The following KLHL7 variants were observed in gnomAD, a reference collection of about 807,000 sequenced individuals.
KLHL7 encodes the protein kelch like family member 7.
Under a neutral mutation model 67.4 loss-of-function variants are expected in KLHL7, and 44 were observed. The observed-to-expected ratio is 0.65, with a 90% CI of 0.51 to 0.84. The LOEUF (loss-of-function observed/expected upper bound fraction) is 0.84. Ranked by LOEUF, KLHL7 falls within the 40% of genes least tolerant of loss-of-function variation. The pLI, the probability that KLHL7 is intolerant of heterozygous loss-of-function variation, is 0.00. For missense variants in KLHL7, 362 were observed against 718.1 expected (o/e 0.50, Z 5.67); for synonymous variants, 252 against 243.3 (o/e 1.04, Z -0.33).
intron 4 of KLHL7, among the ~76,000 whole-genome samples, chr7:23,139,779 A>G (rs527845881): frequency 6.6e-6 from 1 of 152,394 alleles, no homozygotes; most frequent in African/African-American, 2.4e-5. Flanking sequence ...AGTTTTATAT[A>G]GAAGAGGGAG....
intron 1 of KLHL7, among the ~76,000 whole-genome samples, chr7:23,121,069 T>C (rs1037305304): frequency 3.9e-5 from 6 of 152,216 alleles, no homozygotes; most frequent in Admixed American, 3.3e-4. Flanking sequence ...CTTACACATA[T>C]GAGTGAGAAC....
intron 7 of KLHL7, among the ~76,000 whole-genome samples, chr7:23,162,344 T>A (rs1439629981): frequency 6.6e-6 from 1 of 152,196 alleles, no homozygotes; most frequent in Non-Finnish European, 1.5e-5. Context: ...TAAGATGATG[T>A]TTTAAAATAT....
intron 6 of KLHL7, among the ~76,000 whole-genome samples, chr7:23,144,245 C>T (rs1784283863): frequency 6.6e-6 from 1 of 152,236 alleles, no homozygotes; most frequent in South Asian, 2.1e-4. Context: ...GTACAAATTA[C>T]TTATGCTTTT....
At chr7:23,159,396 C>T (rs1179115801) in intron 7 of KLHL7, among the ~76,000 whole-genome samples, 1 of 152,022 alleles carries the variant, frequency 6.6e-6, no homozygotes, top group African/African-American at 2.4e-5. Context: ...TCTTGAACTC[C>T]CAGTCTAAAG....
intron 9 of KLHL7, chr7:23,171,036 T>A (rs941724814): frequency 1.3e-5 from 2 of 158,208 alleles, no homozygotes; most frequent in African/African-American, 2.4e-5. Flanking sequence ...GCCTCCTGAG[T>A]AGCTGGGATT....
intron 2 of KLHL7, 146 bp downstream of exon 2, chr7:23,124,025 T>C: frequency 1.5e-6 from 1 of 663,216 alleles, no homozygotes; most frequent in Non-Finnish European, 2.6e-6. Flanking sequence ...AGTAGTCAGC[T>C]GATAACCAAA....
chr7:23,140,544 G>T (rs1784142249), intron 4 of KLHL7: 2 of 533,156 alleles, frequency 3.8e-6, no homozygotes, highest in Non-Finnish European at 3.4e-6. Context: ...GCGATGGAGC[G>T]AGACTCCGTC....
chr7:23,113,501 G>A (rs180796226), intron 1 of KLHL7, among the ~76,000 whole-genome samples: 11 of 152,272 alleles, frequency 7.2e-5, no homozygotes, highest in Admixed American at 2.0e-4. Flanking sequence ...GAGATTAGAA[G>A]CAAAATTTTT....
In KLHL7 at chr7:23,177,526, T is replaced by G. The variant is rs1232359500; in HGVS notation, c.*3228T>G. Reference sequence around the variant, plus strand: ...GGAAATTTCTACAGAATTGTCAATATCAGGATAGTGCGTAAAAGTACACTC... The same window carrying G: ...GGAAATTTCTACAGAATTGTCAATAGCAGGATAGTGCGTAAAAGTACACTC... On this transcript the variant is annotated 3_prime_UTR_variant, in exon 11 of 11. Transcript: ENST00000339077. 1.3e-5 allele frequency: 2 copies of G among 152,198 alleles called. No homozygotes were observed. The highest frequency in any genetic ancestry group is 2.9e-5 in the Non-Finnish European group (2 of 68,026). The allele number at this position is 152,198 out of a possible 1,614,324, so 9.4% of individuals were successfully genotyped here.
intron 7 of KLHL7, among the ~76,000 whole-genome samples, chr7:23,161,816 T>G (rs184417805): frequency 6.6e-6 from 1 of 152,354 alleles, no homozygotes; most frequent in East Asian, 1.9e-4. Context: ...ATGGATGATA[T>G]ATACTTTTCT....
chr7:23,173,921 A>G, intron 10 of KLHL7, 94 bp from the exon 11 acceptor site: 1 of 1,286,836 alleles, frequency 7.8e-7, no homozygotes, highest in Non-Finnish European at 1.1e-6. Context: ...TTTTCACAAT[A>G]AAATATTGGA....
intron 7 of KLHL7, 48 bp from the exon 8 acceptor site, chr7:23,165,650 G>A (rs747679588): frequency 2.5e-6 from 4 of 1,605,520 alleles, no homozygotes; most frequent in Non-Finnish European, 2.6e-6. Flanking sequence ...GTCCTTTTCA[G>A]TTATATTTTT....
At chr7:23,135,252 T>C (rs988769575) in intron 4 of KLHL7, among the ~76,000 whole-genome samples, 3 of 152,236 alleles carry the variant, frequency 2.0e-5, no homozygotes, top group Admixed American at 6.5e-5. Flanking sequence ...AAAATTCCTC[T>C]TGTTATTAAT....
intron 4 of KLHL7, among the ~76,000 whole-genome samples, chr7:23,133,810 T>C (rs1210704139): frequency 6.6e-6 from 1 of 152,262 alleles, no homozygotes; most frequent in African/African-American, 2.4e-5. Context: ...TTCTGTATCC[T>C]GCAACTTTAC....
intron 1 of KLHL7, among the ~76,000 whole-genome samples, chr7:23,122,848 AT>A (rs1012874083): frequency 4.6e-5 from 7 of 152,074 alleles, no homozygotes; most frequent in Non-Finnish European, 1.0e-4. Flanking sequence ...TGTAAGCGAT[AT>A]TTTTTTTACT....
chr7:23,123,695 T>C, intron 1 of KLHL7, 82 bp from the exon 2 acceptor site: 2 of 864,134 alleles, frequency 2.3e-6, no homozygotes, highest in Non-Finnish European at 1.9e-6. Flanking sequence ...AGATAAAGCA[T>C]TTGGCAAGCA....
At chr7:23,167,443 G>A (rs1019317224) in intron 8 of KLHL7, among the ~76,000 whole-genome samples, 1 of 152,062 alleles carries the variant, frequency 6.6e-6, no homozygotes, top group African/African-American at 2.4e-5. Context: ...TAAGGTATGG[G>A]TCTACCATCT....
intron 8 of KLHL7, among the ~76,000 whole-genome samples, chr7:23,166,985 G>A (rs1477245976): frequency 6.6e-6 from 1 of 151,978 alleles, no homozygotes; most frequent in East Asian, 1.9e-4. Flanking sequence ...GCTTCTTCTA[G>A]TTGTTATTTT....
intron 1 of KLHL7, among the ~76,000 whole-genome samples, chr7:23,120,304 C>G (rs1050602511): frequency 6.6e-6 from 1 of 152,240 alleles, no homozygotes. Flanking sequence ...AGTCACCACA[C>G]CCAGCCCCAT....
Sources: allele counts gnomAD v4.1 joint callset (sites outside exome capture counted in the v4.1 genomes callset), GRCh38; gene constraint gnomAD v4.1.1; transcripts MANE v1.5; gene names NCBI Gene and HGNC (gene_info 2026-07-23, HGNC 2026-07-21).